Variants in CLSTN2 observed in about 807,000 individuals in gnomAD.
CLSTN2 encodes the protein calsyntenin-2.
CLSTN2 carries 48 observed loss-of-function variants against 101.2 expected under a neutral mutation model. The ratio of observed to expected loss-of-function variants is 0.47; its 90% CI spans 0.38 to 0.60. The LOEUF (loss-of-function observed/expected upper bound fraction) is 0.60, where lower values mean the gene tolerates loss of function less well. Among genes scored for constraint, CLSTN2 ranks in the 20% least tolerant of loss-of-function variants. The pLI is 0.00. For synonymous variants in CLSTN2, 481 were observed against 463.6 expected, an observed-to-expected ratio of 1.04 and a Z score of -0.48; for missense variants, 1,160 against 1,238.2, an observed-to-expected ratio of 0.94 and a Z score of 0.95.
chr3:140,364,557 C>T lies in CLSTN2; in HGVS notation c.233-39072C>T, dbSNP rs116642176. On this transcript the variant is annotated intron_variant, in intron 2 of 16. Coordinates refer to ENST00000458420, the MANE Select transcript of CLSTN2 (RefSeq NM_022131.3). ...GGAGCAAGGGTACCTATGTCCAGGG[C>T]GCCAGGAGCAGGAGCTAAGGGTGGG... 7.7e-3 allele frequency among the ~76,000 whole-genome samples: 1,177 copies of T among 152,112 alleles called. 11 individuals are homozygous for T. The highest frequency in any genetic ancestry group is 0.025 in the African/African-American group (1,050 of 41,470).
intron 1 of CLSTN2, among the ~76,000 whole-genome samples, chr3:140,056,433 C>T (rs562821723): frequency 6.9e-4 from 105 of 152,330 alleles, no homozygotes; most frequent in South Asian, 1.7e-3. Flanking sequence ...CCATGCCCCA[C>T]TGGGATGGCC....
At chr3:140,110,697 C>T (rs374112014) in intron 1 of CLSTN2, among the ~76,000 whole-genome samples, 1 of 151,734 alleles carries the variant, frequency 6.6e-6, no homozygotes, top group African/African-American at 2.4e-5. Flanking sequence ...TGATGCCTCA[C>T]AGGCACACAG....
chr3:140,444,390 A>G (rs888520606), intron 5 of CLSTN2, among the ~76,000 whole-genome samples: 1 of 151,456 alleles, frequency 6.6e-6, no homozygotes, highest in Non-Finnish European at 1.5e-5. Flanking sequence ...AGATTGTGCC[A>G]TTGCACTCCA....
chr3:140,205,863 C>T (rs931611121), intron 2 of CLSTN2, among the ~76,000 whole-genome samples: 37 of 152,108 alleles, frequency 2.4e-4, no homozygotes, highest in Non-Finnish European at 4.1e-4. Context: ...CAGTCCCCAC[C>T]GGTCAGTCCC....
chr3:140,196,516 A>G (rs117984145), intron 2 of CLSTN2, among the ~76,000 whole-genome samples: 1 of 152,360 alleles, frequency 6.6e-6, no homozygotes, highest in East Asian at 1.9e-4. Flanking sequence ...GAAGTCAGGG[A>G]TATACCCATG....
chr3:140,193,434 C>T (rs972777795), intron 2 of CLSTN2, among the ~76,000 whole-genome samples: 1 of 151,604 alleles, frequency 6.6e-6, no homozygotes. Context: ...GTTGAAAATT[C>T]TTTTCTTTCA....
Position 140,567,785 on chromosome 3 carries a change from T to C in CLSTN2, c.*1532T>C, listed in dbSNP as rs898443784. On this transcript the variant is annotated 3_prime_UTR_variant, in exon 17 of 17. Transcript: ENST00000458420. ...CTGGTCCCTAGTTAAGTGGCATTTATGTTAAAAAAAAATAGTTCAGAATCT... is the reference window on the plus strand; with the variant it reads ...CTGGTCCCTAGTTAAGTGGCATTTACGTTAAAAAAAAATAGTTCAGAATCT... The C allele has an allele frequency of 6.6e-6, 1 of 152,202 alleles. No homozygotes were observed. Among genetic ancestry groups the C allele is most frequent in the Non-Finnish European group, 1.5e-5 (1 of 68,056 alleles). 9.4% of individuals were successfully genotyped at this position (152,202 alleles called of 1,614,324 possible). A position where few individuals can be genotyped will look rare whatever the true frequency, so the allele number is the denominator to read the frequency against.
At chr3:140,486,192 A>C (rs1322650089) in intron 8 of CLSTN2, among the ~76,000 whole-genome samples, 1 of 152,226 alleles carries the variant, frequency 6.6e-6, no homozygotes, top group Non-Finnish European at 1.5e-5. Context: ...AAAACTTTGG[A>C]AACCAAAAGA....
chr3:139,967,298 G>T (rs1341675720), intron 1 of CLSTN2, among the ~76,000 whole-genome samples: 1 of 152,212 alleles, frequency 6.6e-6, no homozygotes, highest in East Asian at 1.9e-4. Context: ...TGGTCAAACA[G>T]CAGTCTGCAA....
intron 1 of CLSTN2, among the ~76,000 whole-genome samples, chr3:140,162,830 G>C (rs1398319294): frequency 2.0e-5 from 3 of 152,190 alleles, no homozygotes; most frequent in Non-Finnish European, 4.4e-5. Flanking sequence ...GTCATCCATC[G>C]TTCTGGACAT....
At chr3:140,247,622 G>A (rs2086528527) in intron 2 of CLSTN2, among the ~76,000 whole-genome samples, 1 of 152,182 alleles carries the variant, frequency 6.6e-6, no homozygotes, top group South Asian at 2.1e-4. Flanking sequence ...TCTGTCCCCT[G>A]ATGGCCTTGG....
intron 8 of CLSTN2, among the ~76,000 whole-genome samples, chr3:140,498,455 G>C (rs980115692): frequency 1.3e-5 from 2 of 152,208 alleles, no homozygotes; most frequent in African/African-American, 4.8e-5. Flanking sequence ...AGTGCCAAGT[G>C]GCTATGCCCT....
chr3:140,050,160 T>G (rs2007963002), intron 1 of CLSTN2, among the ~76,000 whole-genome samples: 1 of 152,232 alleles, frequency 6.6e-6, no homozygotes, highest in African/African-American at 2.4e-5. Flanking sequence ...TATTATTTTT[T>G]CAACCATACA....
rs1576383909 is a variant in CLSTN2, at chr3:140,574,393, G to A, written c.*8140G>A. The A allele has an allele frequency of 1.3e-5, 2 of 152,338 alleles. No homozygotes were observed. The highest frequency in any genetic ancestry group is 3.9e-4 in the East Asian group (2 of 5,176). The allele number at this position is 152,338 out of a possible 1,614,324, so 9.4% of individuals were successfully genotyped here. ...GCAAGGAGCAGGGGTAGATGTGCCTGGGTGAGGCCTGCTTGCTCCACCGTC... is the reference window on the plus strand; with the variant it reads ...GCAAGGAGCAGGGGTAGATGTGCCTAGGTGAGGCCTGCTTGCTCCACCGTC... On this transcript the variant is annotated 3_prime_UTR_variant, in exon 17 of 17. Transcript: ENST00000458420.
In CLSTN2 at chr3:139,950,785, A is replaced by G. The variant is rs1057283036; in HGVS notation, c.109+15302A>G. On this transcript the variant is annotated intron_variant, in intron 1 of 16. Coordinates refer to ENST00000458420, the MANE Select transcript of CLSTN2 (RefSeq NM_022131.3). ...AATAATGTATAATAAAATGATATGTATTTCAACAAATGCTTGGGCCCAACC... is the reference window on the plus strand; with the variant it reads ...AATAATGTATAATAAAATGATATGTGTTTCAACAAATGCTTGGGCCCAACC... Among the ~76,000 whole-genome samples the G allele has an allele frequency of 2.0e-5, 3 of 152,228 alleles. No homozygotes were observed. In the East Asian group the frequency reaches 5.8e-4, roughly 29 times the overall value.
chr3:139,941,874 A>C (rs955535210), intron 1 of CLSTN2, among the ~76,000 whole-genome samples: 5 of 152,236 alleles, frequency 3.3e-5, no homozygotes, highest in African/African-American at 1.2e-4. Context: ...ATCTTGAAGC[A>C]CTTCACATAT....
intron 4 of CLSTN2, among the ~76,000 whole-genome samples, chr3:140,409,973 C>T (rs995027918): frequency 1.3e-5 from 2 of 151,680 alleles, no homozygotes; most frequent in African/African-American, 4.8e-5. Context: ...AACTTAAAGA[C>T]AGGTCATTTG....
At chr3:140,352,934 T>C (rs1212817993) in intron 2 of CLSTN2, among the ~76,000 whole-genome samples, 1 of 152,164 alleles carries the variant, frequency 6.6e-6, no homozygotes, top group Non-Finnish European at 1.5e-5. Flanking sequence ...TTAACCAAAC[T>C]TGCATGGTAA....
rs1444701415 is a variant in CLSTN2, at chr3:140,569,667, G to GCTTT, written c.*3419_*3422dup. On this transcript the variant is annotated 3_prime_UTR_variant, in exon 17 of 17. Transcript: ENST00000458420. ...TTCAGTGAAATCTCTTTTCATTGCC[G>GCTTT]CTTTCTTTTGTTGTTGTTTGTTTTT... The GCTTT allele has an allele frequency of 6.6e-6, 1 of 152,058 alleles. No individual in the cohort carries two copies. Among genetic ancestry groups the GCTTT allele is most frequent in the Non-Finnish European group, 1.5e-5 (1 of 68,030 alleles). 9.4% of individuals were successfully genotyped at this position (152,058 alleles called of 1,614,324 possible).
Sources: allele counts gnomAD v4.1 joint callset (sites outside exome capture counted in the v4.1 genomes callset), GRCh38; gene constraint gnomAD v4.1.1; transcripts MANE v1.5; gene names NCBI Gene and HGNC (gene_info 2026-07-23, HGNC 2026-07-21).